The following ARNT2 variants were observed in gnomAD, a reference collection of about 807,000 sequenced individuals.
ARNT2 encodes aryl hydrocarbon receptor nuclear translocator 2, also known as ARNT protein 2.
ARNT2 carries 36 observed loss-of-function variants against 91.7 expected under a neutral mutation model. The ratio of observed to expected loss-of-function variants is 0.39; its 90% CI spans 0.30 to 0.52. ARNT2 has a LOEUF of 0.52. Among genes scored for constraint, ARNT2 ranks in the 20% least tolerant of loss-of-function variants. ARNT2 has a pLI of 0.72. For synonymous variants in ARNT2, 365 were observed against 347.1 expected (o/e 1.05, Z -0.57); for missense variants, 775 against 939.3 (o/e 0.83, Z 2.29).
chr15:80,576,800 G>T, intron 14 of ARNT2, 66 bp from the exon 15 acceptor site: 1 of 1,563,444 alleles, frequency 6.4e-7, no homozygotes, highest in Non-Finnish European at 8.8e-7. Flanking sequence ...TCTTCTTGGG[G>T]CAGCCTCCTC....
At chr15:80,582,360 G>A (rs1898814972) in intron 17 of ARNT2, among the ~76,000 whole-genome samples, 1 of 151,640 alleles carries the variant, frequency 6.6e-6, no homozygotes, top group African/African-American at 2.4e-5. Context: ...GCCAGGTGTT[G>A]TGGTGCATGC....
At chr15:80,442,068 T>C (rs1896200281) in intron 1 of ARNT2, among the ~76,000 whole-genome samples, 1 of 152,326 alleles carries the variant, frequency 6.6e-6, no homozygotes, top group South Asian at 2.1e-4. Context: ...ACAAGAGCGT[T>C]GCATTTGAGT....
chr15:80,540,825 T>C (rs1469412440), intron 8 of ARNT2, among the ~76,000 whole-genome samples: 1 of 152,150 alleles, frequency 6.6e-6, no homozygotes, highest in Non-Finnish European at 1.5e-5. Flanking sequence ...GAGGACATGA[T>C]TTCATTCTTT....
chr15:80,511,678 T>A (rs998264192), intron 6 of ARNT2, among the ~76,000 whole-genome samples: 8 of 151,954 alleles, frequency 5.3e-5, no homozygotes, highest in African/African-American at 1.9e-4. Context: ...CTGAGATGCA[T>A]GTGAAATCTC....
At chr15:80,529,115 A>G (rs548487753) in intron 8 of ARNT2, among the ~76,000 whole-genome samples, 7 of 152,196 alleles carry the variant, frequency 4.6e-5, no homozygotes, top group Admixed American at 4.6e-4. Context: ...CAGGTGCTTC[A>G]TTTCATGACT....
intron 1 of ARNT2, among the ~76,000 whole-genome samples, chr15:80,429,431 G>A (rs1463682740): frequency 6.6e-6 from 1 of 152,230 alleles, no homozygotes; most frequent in African/African-American, 2.4e-5. Context: ...ACACATGGAG[G>A]CGCTCGCAAG....
chr15:80,568,626 C>T (rs959331020), intron 12 of ARNT2, among the ~76,000 whole-genome samples: 2 of 152,214 alleles, frequency 1.3e-5, no homozygotes, highest in Non-Finnish European at 2.9e-5. Flanking sequence ...CTTTCCTGGT[C>T]TCTGCAGAGC....
chr15:80,471,917 G>A (rs1219141470), intron 4 of ARNT2, among the ~76,000 whole-genome samples: 4 of 152,152 alleles, frequency 2.6e-5, no homozygotes, highest in Admixed American at 2.0e-4. Flanking sequence ...GGCTTTACAT[G>A]AGCCAGAGGC....
intron 5 of ARNT2, among the ~76,000 whole-genome samples, chr15:80,498,150 G>A (rs180802097): frequency 2.4e-4 from 37 of 152,300 alleles, no homozygotes; most frequent in Admixed American, 2.2e-3. Context: ...ACTGGAACAA[G>A]TTCTACCCTG....
At chr15:80,457,793 C>A in intron 2 of ARNT2, 136 bp from the exon 3 acceptor site, 1 of 872,336 alleles carries the variant, frequency 1.1e-6, no homozygotes, top group Admixed American at 2.4e-5. Context: ...AGAGATATTG[C>A]TTGTAGCACT....
chr15:80,553,839 G>A (rs141367616), intron 10 of ARNT2, among the ~76,000 whole-genome samples: 80 of 152,274 alleles, frequency 5.3e-4, no homozygotes, highest in Middle Eastern at 6.8e-3. Context: ...GTTCAAACTA[G>A]AACTATTAGG....
intron 5 of ARNT2, chr15:80,475,443 C>G: frequency 4.6e-6 from 2 of 433,428 alleles, no homozygotes; most frequent in Non-Finnish European, 8.5e-6. Flanking sequence ...GCCTGTGGTC[C>G]CAGCTACTCC....
intron 6 of ARNT2, among the ~76,000 whole-genome samples, chr15:80,512,496 T>G: frequency 6.6e-6 from 1 of 152,312 alleles, no homozygotes; most frequent in South Asian, 2.1e-4. Flanking sequence ...TGCCTGCCCC[T>G]CTTTCAGCAG....
At chr15:80,466,661 CG>C (rs1896659323) in intron 3 of ARNT2, among the ~76,000 whole-genome samples, 1 of 152,172 alleles carries the variant, frequency 6.6e-6, no homozygotes, top group Non-Finnish European at 1.5e-5. Flanking sequence ...GCATCATCCC[CG>C]CTGCCTTGAT....
chr15:80,515,870 C>CTTTTT (rs984547948), intron 8 of ARNT2, among the ~76,000 whole-genome samples: 2 of 129,948 alleles, frequency 1.5e-5, no homozygotes, highest in African/African-American at 2.8e-5. Context: ...ATGAAGTATT[C>CTTTTT]TTTTTTTTTT....
At chr15:80,496,540 G>A (rs1897127874) in intron 5 of ARNT2, among the ~76,000 whole-genome samples, 1 of 152,176 alleles carries the variant, frequency 6.6e-6, no homozygotes, top group African/African-American at 2.4e-5. Flanking sequence ...CTTGCCAGTG[G>A]GATACATGTA....
chr15:80,575,304 A>G (rs1898654896), intron 14 of ARNT2, among the ~76,000 whole-genome samples, 194 bp downstream of exon 14: 1 of 152,212 alleles, frequency 6.6e-6, no homozygotes, highest in Non-Finnish European at 1.5e-5. Flanking sequence ...CCAGTTACCC[A>G]GGGTATGGTA....
chr15:80,458,990 T>G (rs1446905711), intron 3 of ARNT2, among the ~76,000 whole-genome samples: 1 of 152,198 alleles, frequency 6.6e-6, no homozygotes, highest in African/African-American at 2.4e-5. Flanking sequence ...CCTAGTTTTC[T>G]CCCCTCATGG....
At chr15:80,415,342 G>T (rs746041333) in intron 1 of ARNT2, among the ~76,000 whole-genome samples, 1 of 152,236 alleles carries the variant, frequency 6.6e-6, no homozygotes, top group Non-Finnish European at 1.5e-5. Flanking sequence ...AATGCCAACC[G>T]TGTGCTCACA....
Sources: gnomAD v4.1 joint callset for allele counts (sites outside exome capture counted in the v4.1 genomes callset) on GRCh38, gnomAD v4.1.1 for gene constraint, MANE v1.5 for transcripts, NCBI Gene and HGNC (gene_info 2026-07-23, HGNC 2026-07-21) for gene names.